The following ALDH3A1 variants were observed in gnomAD, a reference collection of about 807,000 sequenced individuals.
ALDH3A1 encodes aldehyde dehydrogenase 3 family member A1, also known as aldehyde dehydrogenase, dimeric NADP-preferring.
ALDH3A1 carries 46 observed loss-of-function variants against 49.9 expected under a neutral mutation model. The observed-to-expected ratio is 0.92, with a 90% confidence interval of 0.73 to 1.18. The LOEUF is 1.18. Among genes scored for constraint, ALDH3A1 ranks in the 50% most tolerant of loss-of-function variants. The pLI is 0.00. For synonymous variants in ALDH3A1, 269 were observed against 253.3 expected (o/e 1.06, Z -0.59); for missense variants, 592 against 611.8 (o/e 0.97, Z 0.34).
At position 19,744,683 on chromosome 17, in the gene ALDH3A1, A is replaced by C. The variant is rs568799554; in HGVS notation, c.162+285T>G. The C allele has an allele frequency of 7.1e-5, 93 of 1,316,546 alleles. No homozygotes were observed. The South Asian group carries it at 1.4e-3, about 20-fold the overall frequency. The allele number at this position is 1,316,546 out of a possible 1,614,324, so 81.6% of individuals were successfully genotyped here. A position where few individuals can be genotyped will look rare whatever the true frequency, so the allele number is the denominator to read the frequency against. On this transcript the variant is annotated intron_variant, in intron 2 of 10. Coordinates refer to ENST00000225740, the MANE Select transcript of ALDH3A1 (RefSeq NM_000691.5). ...TGCGTGGGGCTGAGGAATGGGGAGG[A>C]CCAGAAGTTCAGGGTGTCGGGGCAG...
At chr17:19,742,406 C>A (rs2152374833) in intron 4 of ALDH3A1, 139 bp downstream of exon 4, 4 of 1,127,248 alleles carry the variant, frequency 3.5e-6, no homozygotes. Flanking sequence ...TGAGAGAGGG[C>A]AGCTGCTAAG....
In ALDH3A1 at chr17:19,744,762, G is replaced by A. The variant is rs1029228599; in HGVS notation, c.162+206C>T. Reference sequence around the variant, plus strand: ...GCGGGACGCGGAGGCCGGGCCAGGAGGAAAAGGCCAGAGGGCGGAAGAGGC... The same window carrying A: ...GCGGGACGCGGAGGCCGGGCCAGGAAGAAAAGGCCAGAGGGCGGAAGAGGC... On this transcript the variant is annotated intron_variant, in intron 2 of 10. Coordinates refer to ENST00000225740, the MANE Select transcript of ALDH3A1 (RefSeq NM_000691.5). 1.8e-5 allele frequency: 25 copies of A among 1,368,222 alleles called. No homozygotes were observed. In the African/African-American group the frequency reaches 3.2e-4, roughly 18 times the overall value. The allele number at this position is 1,368,222 out of a possible 1,614,324, so 84.8% of individuals were successfully genotyped here. A position where few individuals can be genotyped will look rare whatever the true frequency, so the allele number is the denominator to read the frequency against.
Position 19,743,827 on chromosome 17 carries a change from AG to A in ALDH3A1, c.163-365del. 2.0e-6 allele frequency: 1 copy of A among 502,244 alleles called. No individual in the cohort carries two copies. Among genetic ancestry groups the A allele is most frequent in the Non-Finnish European group, 2.2e-6 (1 of 447,188 alleles). The allele number at this position is 502,244 out of a possible 1,614,324, so 31.1% of individuals were successfully genotyped here. On this transcript the variant is annotated intron_variant, in intron 2 of 10. Transcript: ENST00000225740. This position sits in a 1 kb window ranked among gnomAD's most constrained non-coding sequence, Gnocchi z 4.4. ...CGGGGAGGGGGGGATGGATCCGGGG[AG>A]GGGGGATAGATTCGGGCACTGGGAG...
chr17:19,741,363 T>C (rs1220033086), intron 5 of ALDH3A1, 153 bp from the exon 6 acceptor site: 2 of 617,786 alleles, frequency 3.2e-6, no homozygotes, highest in Non-Finnish European at 5.8e-6. Flanking sequence ...TTCTAGACAC[T>C]GGACCGAGCA....
In ALDH3A1 at chr17:19,738,481, C is replaced by T. The variant is rs201174820; in HGVS notation, c.1217-28G>A. On this transcript the variant is annotated intron_variant, in intron 9 of 10. Transcript: ENST00000225740. ...GCGGAGGAGAAGTAAGCACAGGGCT[C>T]AGCATCCTGCCCCCAGGACGCCCCA... 144 of 1,596,436 alleles carry T rather than the reference C, an allele frequency of 9.0e-5. No homozygotes were observed. The African/African-American group carries it at 1.7e-3, about 19-fold the overall frequency.
chr17:19,742,292 GC>G, intron 4 of ALDH3A1, 80 bp from the exon 5 acceptor site: 1 of 1,458,110 alleles, frequency 6.9e-7, no homozygotes, highest in Non-Finnish European at 9.5e-7. Flanking sequence ...AGTTGCAGTG[GC>G]CAAGACCAGC....
chr17:19,738,175 C>T lies in ALDH3A1; in HGVS notation c.*46G>A. 1 of 1,613,268 alleles carries T rather than the reference C, an allele frequency of 6.2e-7. No individual in the cohort carries two copies. The highest frequency in any genetic ancestry group is 8.5e-7 in the Non-Finnish European group (1 of 1,179,982). ...GGAGAGCCAGTGAGGGTGGTCCGCA[C>T]TCCGATGGGACACAGTATGGCCAGG... On this transcript the variant is annotated 3_prime_UTR_variant, in exon 11 of 11. Transcript: ENST00000225740.
rs967453950 is a variant in ALDH3A1, at chr17:19,743,808, G to A, written c.163-345C>T. ...CAGGCAGTGGGAATGGATCCGGGGA[G>A]GGGGGGATGGATCCGGGGAGGGGGG... On this transcript the variant is annotated intron_variant, in intron 2 of 10. Transcript: ENST00000225740. This position sits in a 1 kb window ranked among gnomAD's most constrained non-coding sequence, Gnocchi z 4.4. 26 of 967,162 alleles carry A rather than the reference G, an allele frequency of 2.7e-5. No individual in the cohort carries two copies. Among genetic ancestry groups the A allele is most frequent in the African/African-American group, 1.1e-4 (6 of 56,572 alleles). The allele number at this position is 967,162 out of a possible 1,614,324, so 59.9% of individuals were successfully genotyped here.
chr17:19,745,069 G>C lies in ALDH3A1; in HGVS notation c.61C>G (p.Arg21Gly). ...ARAAFSSGRT[R>G]PLQFRIQQLE... ...TGCTGGATCCGGAACTGCAGCGGAC[G>C]GGTCCTGCCCGAGCTGAAGGCGGCG... The change falls in exon 2 of 11, where the codon CGT (arginine) becomes GGT (glycine). Residue 21 changes from arginine to glycine, a missense_variant. By Grantham distance (125) the Arg-to-Gly change is moderately radical (BLOSUM62 -2). Coordinates refer to ENST00000225740, the MANE Select transcript of ALDH3A1 (RefSeq NM_000691.5). The C allele has an allele frequency of 6.3e-7, 1 of 1,596,340 alleles. No individual in the cohort carries two copies. Among genetic ancestry groups the C allele is most frequent in the South Asian group, 1.1e-5 (1 of 90,846 alleles).
In ALDH3A1 at chr17:19,739,012, CAG is replaced by C; in HGVS notation, c.1198_1199del (p.Leu400AlafsTer36). ...CAGACTCACCCACGCCCCCGAAGGG[CAG>C]AGAGTGCAAGGTGATGTGGACGATG... ...DVIVHITLHS[L>X]PFGGVGNSGM... is the part of the protein sequence containing the mutation. On this transcript the variant is annotated frameshift_variant, in exon 9 of 11. Transcript: ENST00000225740. LOFTEE classifies it high-confidence loss of function. 2.5e-6 allele frequency: 4 copies of C among 1,613,716 alleles called. No individual in the cohort carries two copies. Among genetic ancestry groups the C allele is most frequent in the Non-Finnish European group, 3.4e-6 (4 of 1,179,960 alleles).
At chr17:19,744,895 T>TGCCCCCCCCCCCCC in intron 2 of ALDH3A1, 73 bp downstream of exon 2, 17 of 924,144 alleles carry the variant, frequency 1.8e-5, no homozygotes, top group East Asian at 6.7e-5. Context: ...GGTCGCACTC[T>TGCCCCCCCCCCCCC]CCCCAGCCCC....
intron 9 of ALDH3A1, 155 bp from the exon 10 acceptor site, chr17:19,738,608 T>A: frequency 8.7e-7 from 1 of 1,151,560 alleles, no homozygotes; most frequent in Non-Finnish European, 1.2e-6. Context: ...CCTATGGCCC[T>A]CAGCACCCAG....
In ALDH3A1 at chr17:19,743,345, T is replaced by A. The variant is rs766539011; in HGVS notation, c.281A>T (p.Gln94Leu). Residue 94 changes from glutamine (Q) to leucine (L), a missense_variant, in exon 3 of 11, where the codon CAG becomes CTG. Transcript: ENST00000225740. The surrounding 1 kb of genome is among the most constrained non-coding windows in gnomAD (Gnocchi z 4.4). ...CGAGTGGATGTAGAGCTCGTCCTGC[T>A]GAGTCTGGGGCGTCTTCTCCACGGG... ...DEPVEKTPQT[Q>L]QDELYIHSEP... The A allele has an allele frequency of 1.2e-6, 2 of 1,614,158 alleles. No individual in the cohort carries two copies. Among genetic ancestry groups the A allele is most frequent in the South Asian group, 2.2e-5 (2 of 91,086 alleles).
At position 19,743,029 on chromosome 17, in the gene ALDH3A1, C is replaced by T; in HGVS notation, c.394+203G>A. 6.5e-7 allele frequency: 1 copy of T among 1,532,326 alleles called. No homozygotes were observed. The highest frequency in any genetic ancestry group is 8.7e-7 in the Non-Finnish European group (1 of 1,145,248). The allele number at this position is 1,532,326 out of a possible 1,614,324, so 94.9% of individuals were successfully genotyped here. On this transcript the variant is annotated intron_variant, in intron 3 of 10. Coordinates refer to ENST00000225740, the MANE Select transcript of ALDH3A1 (RefSeq NM_000691.5). The surrounding 1 kb of genome is among the most constrained non-coding windows in gnomAD (Gnocchi z 4.4). The stretch of plus-strand genomic sequence containing the variant: ...GGGAAGGCAGGCCCTCTCTGTATCA[C>T]CAGGTGTGGACACCTGAGCCTGACT...
chr17:19,743,557 G>A lies in ALDH3A1; in HGVS notation c.163-94C>T, dbSNP rs2086543214. The A allele has an allele frequency of 1.3e-6, 2 of 1,500,470 alleles. No homozygotes were observed. The highest frequency in any genetic ancestry group is 1.8e-4 in the Middle Eastern group (1 of 5,550). The allele number at this position is 1,500,470 out of a possible 1,614,324, so 92.9% of individuals were successfully genotyped here. A position where few individuals can be genotyped will look rare whatever the true frequency, so the allele number is the denominator to read the frequency against. On this transcript the variant is annotated intron_variant, in intron 2 of 10. Coordinates refer to ENST00000225740, the MANE Select transcript of ALDH3A1 (RefSeq NM_000691.5). The surrounding 1 kb of genome is among the most constrained non-coding windows in gnomAD (Gnocchi z 4.4). ...CCCACTGCTCAGCTGCCAGGGTGAT[G>A]GGGGTCACTCACCCAGCCCAGGGTG...
rs1186325755 is a variant in ALDH3A1, at chr17:19,746,828, TTGA to T, written c.-6+1428_-6+1430del. Among the ~76,000 whole-genome samples, 4 of 152,238 alleles carry T rather than the reference TTGA, an allele frequency of 2.6e-5. No individual in the cohort carries two copies. The East Asian group carries it at 7.7e-4, about 29-fold the overall frequency. ...GAGACAACTGATGGGGGTGGAATTA[TTGA>T]TGATCTGTTTTCCTCTTATGCAATG... On this transcript the variant is annotated intron_variant, in intron 1 of 10. Transcript: ENST00000225740.
intron 2 of ALDH3A1, chr17:19,744,487 C>T: frequency 1.0e-6 from 1 of 985,410 alleles, no homozygotes; most frequent in South Asian, 4.7e-5. Context: ...GAGCGCTGGA[C>T]CCCAGGCAGC....
Position 19,748,027 on chromosome 17 carries a change from C to A in ALDH3A1, c.-6+232G>T. ...TCTGACGGCCCATCAGGGCCTCTCA[C>A]TCCACGGCCACCTTGGTGTCCCTGC... On this transcript the variant is annotated intron_variant, in intron 1 of 10. Transcript: ENST00000225740. This position sits in a 1 kb window ranked among gnomAD's most constrained non-coding sequence, Gnocchi z 4.4. The A allele has an allele frequency of 4.6e-6, 1 of 219,216 alleles. No individual in the cohort carries two copies. Among genetic ancestry groups the A allele is most frequent in the South Asian group, 7.2e-5 (1 of 13,980 alleles). The allele number at this position is 219,216 out of a possible 1,614,324, so 13.6% of individuals were successfully genotyped here.
intron 6 of ALDH3A1, 64 bp downstream of exon 6, chr17:19,741,029 G>A: frequency 7.9e-7 from 1 of 1,270,006 alleles, no homozygotes; most frequent in Non-Finnish European, 1.1e-6. Context: ...AGTTGGTTAA[G>A]GGGCCAGGCC....
Sources: allele counts gnomAD v4.1 joint callset (sites outside exome capture counted in the v4.1 genomes callset), GRCh38; gene constraint gnomAD v4.1.1; non-coding constraint Gnocchi (gnomAD v3.1); transcripts MANE v1.5; gene names NCBI Gene and HGNC (gene_info 2026-07-23, HGNC 2026-07-21).